NXNL2: variants seen among roughly 807,000 people sequenced by gnomAD.
NXNL2 encodes nucleoredoxin like 2.
Under a neutral mutation model 11.1 loss-of-function variants are expected in NXNL2, and 7 were observed. The observed-to-expected ratio is 0.63, with a 90% CI of 0.36 to 1.18. The LOEUF is 1.18. Among genes scored for constraint, NXNL2 ranks in the 50% most tolerant of loss-of-function variants. The pLI, the probability that NXNL2 is intolerant of heterozygous loss-of-function variation, is 0.02. For missense variants in NXNL2, 233 were observed against 217.7 expected (o/e 1.07, Z -0.44); for synonymous variants, 109 against 101.8 (o/e 1.07, Z -0.42).
chr9:88,559,684 C>T (rs772151594), intron 1 of NXNL2, among the ~76,000 whole-genome samples: 1 of 152,214 alleles, frequency 6.6e-6, no homozygotes, highest in Non-Finnish European at 1.5e-5. Context: ...CTTCATTCTA[C>T]TCGCCCAGTT....
intron 1 of NXNL2, among the ~76,000 whole-genome samples, chr9:88,557,568 T>C (rs976490056): frequency 6.6e-6 from 1 of 152,214 alleles, no homozygotes; most frequent in African/African-American, 2.4e-5. Flanking sequence ...CCCTATACCC[T>C]GTGTTCAGGT....
intron 1 of NXNL2, among the ~76,000 whole-genome samples, chr9:88,583,716 T>C (rs1427825692): frequency 1.3e-5 from 2 of 152,214 alleles, no homozygotes; most frequent in African/African-American, 4.8e-5. Context: ...TGTGATTGTG[T>C]CTGGAGACAA....
Position 88,544,876 on chromosome 9 carries a change from AAT to A in NXNL2, c.*331_*332del. On this transcript the variant is annotated 3_prime_UTR_variant, in exon 2 of 2. Transcript: ENST00000375854. ...TATTTGTACAAGTCTCTTCAGGTAA[AAT>A]AATATATTTATTGATAACATTTTCT... is the stretch of plus-strand genomic sequence containing the variant. 9.9e-7 allele frequency: 1 copy of A among 1,008,012 alleles called. No individual in the cohort carries two copies. The highest frequency in any genetic ancestry group is 1.7e-5 in the African/African-American group (1 of 58,368). The allele number at this position is 1,008,012 out of a possible 1,614,324, so 62.4% of individuals were successfully genotyped here.
intron 1 of NXNL2, chr9:88,583,872 AG>A (rs1283343207): frequency 6.6e-6 from 1 of 152,106 alleles, no homozygotes; most frequent in African/African-American, 2.4e-5. Context: ...TCTGCAAGCC[AG>A]GAAGAGAACC....
chr9:88,579,338 G>A (rs142718117), downstream of NXNL2, among the ~76,000 whole-genome samples: 1 of 152,316 alleles, frequency 6.6e-6, no homozygotes, highest in Non-Finnish European at 1.5e-5. Context: ...CTAGTTACAG[G>A]ACCCACGGGG....
chr9:88,535,372 T>A lies in NXNL2; in HGVS notation c.-63T>A. 1 of 1,450,514 alleles carries A rather than the reference T, an allele frequency of 6.9e-7. No individual in the cohort carries two copies. Among genetic ancestry groups the A allele is most frequent in the East Asian group, 2.4e-5 (1 of 42,054 alleles). 89.9% of individuals were successfully genotyped at this position (1,450,514 alleles called of 1,614,324 possible). ...GGGCACCGCGGCGCTCGCCGCCGCC[T>A]CCCCGCAGGTGATCATCCTCCTGCA... On this transcript the variant is annotated 5_prime_UTR_variant, in exon 1 of 2. Transcript: ENST00000375854.
At chr9:88,572,693 G>A (rs963366825) in intron 2 of NXNL2, among the ~76,000 whole-genome samples, 1 of 152,194 alleles carries the variant, frequency 6.6e-6, no homozygotes, top group African/African-American at 2.4e-5. Context: ...GCTGAGCCTC[G>A]CTTTAATGAC....
downstream of NXNL2, among the ~76,000 whole-genome samples, chr9:88,549,639 G>T (rs796529260): frequency 1.3e-5 from 2 of 152,138 alleles, no homozygotes; most frequent in Non-Finnish European, 2.9e-5. Context: ...ACTGTATTAG[G>T]CCATTCTTGC....
intron 2 of NXNL2, among the ~76,000 whole-genome samples, chr9:88,571,876 G>C (rs1458922486): frequency 2.6e-5 from 4 of 152,120 alleles, no homozygotes; most frequent in Non-Finnish European, 5.9e-5. Flanking sequence ...TCAGCCAGGA[G>C]AGCCAGGACC....
At chr9:88,557,891 C>T (rs965163316) in intron 1 of NXNL2, among the ~76,000 whole-genome samples, 1 of 152,180 alleles carries the variant, frequency 6.6e-6, no homozygotes, top group African/African-American at 2.4e-5. Context: ...CAGGAAATTT[C>T]CCCTGCAACA....
In NXNL2 at chr9:88,544,360, C is replaced by T; in HGVS notation, c.303-19C>T. 1.3e-6 allele frequency: 2 copies of T among 1,544,098 alleles called. No homozygotes were observed. The highest frequency in any genetic ancestry group is 1.8e-6 in the Non-Finnish European group (2 of 1,140,108). Reference sequence around the variant, plus strand: ...GCATGTGGGAGTGCTAACTTCGGTACCACTCTTCTGTCCTGCAGTGAGCTG... The same window carrying T: ...GCATGTGGGAGTGCTAACTTCGGTATCACTCTTCTGTCCTGCAGTGAGCTG... On this transcript the variant is annotated intron_variant, in intron 1 of 1. Coordinates refer to ENST00000375854, the MANE Select transcript of NXNL2 (RefSeq NM_001161625.2).
At position 88,544,369 on chromosome 9, in the gene NXNL2, T is replaced by A; in HGVS notation, c.303-10T>A. On this transcript the variant is annotated splice_polypyrimidine_tract_variant and intron_variant, in intron 1 of 1. Coordinates refer to ENST00000375854, the MANE Select transcript of NXNL2 (RefSeq NM_001161625.2). Reference sequence around the variant, plus strand: ...AGTGCTAACTTCGGTACCACTCTTCTGTCCTGCAGTGAGCTGAGGAAGAGG... The same window carrying A: ...AGTGCTAACTTCGGTACCACTCTTCAGTCCTGCAGTGAGCTGAGGAAGAGG... 6.4e-7 allele frequency: 1 copy of A among 1,550,936 alleles called. No homozygotes were observed. Among genetic ancestry groups the A allele is most frequent in the Non-Finnish European group, 8.7e-7 (1 of 1,146,280 alleles).
At chr9:88,561,683 G>A (rs1205148296) in intron 1 of NXNL2, among the ~76,000 whole-genome samples, 1 of 152,136 alleles carries the variant, frequency 6.6e-6, no homozygotes, top group Non-Finnish European at 1.5e-5. Context: ...CAAGAGGGGA[G>A]CCTTGTGTGG....
At chr9:88,578,091 T>G (rs562751201), downstream of NXNL2, among the ~76,000 whole-genome samples, 4 of 152,270 alleles carry the variant, frequency 2.6e-5, no homozygotes, top group South Asian at 8.3e-4. Context: ...TGAAAACAAG[T>G]TAAGAGTGGG....
Position 88,535,726 on chromosome 9 carries a change from C to A in NXNL2, c.292C>A (p.Pro98Thr). 10 of 1,577,088 alleles carry A rather than the reference C, an allele frequency of 6.3e-6. No homozygotes were observed. Among genetic ancestry groups the A allele is most frequent in the Non-Finnish European group, 8.6e-6 (10 of 1,168,032 alleles). ...CTGGCTGGCGCTGCCCTTCCACGAC[C>A]CCTACCGGCAGTGAGTGGGGGTCCT... is the stretch of plus-strand genomic sequence containing the variant. ...GAWLALPFHD[P>T]YRHELRKRYN... The change falls in exon 1 of 2, where the codon CCC (proline) becomes ACC (threonine). Residue 98 changes from proline to threonine, a missense_variant. Coordinates refer to ENST00000375854, the MANE Select transcript of NXNL2 (RefSeq NM_001161625.2).
At chr9:88,580,375 G>A (rs959435977), downstream of NXNL2, among the ~76,000 whole-genome samples, 20 of 151,916 alleles carry the variant, frequency 1.3e-4, no homozygotes, top group Admixed American at 2.0e-4. Flanking sequence ...GGCTGGTGTC[G>A]AACTCCTGAC....
At chr9:88,582,459 A>T (rs952769980) in intron 1 of NXNL2, among the ~76,000 whole-genome samples, 4 of 152,076 alleles carry the variant, frequency 2.6e-5, no homozygotes, top group African/African-American at 9.7e-5. Flanking sequence ...ACAGAGAGAG[A>T]CTTCATCTCA....
intron 1 of NXNL2, among the ~76,000 whole-genome samples, chr9:88,536,223 T>C (rs1829615986): frequency 6.6e-6 from 1 of 151,992 alleles, no homozygotes; most frequent in South Asian, 2.1e-4. Context: ...ATCAGCTCTG[T>C]GACAGGCACC....
chr9:88,565,293 C>T (rs904147850), intron 1 of NXNL2, among the ~76,000 whole-genome samples: 2 of 152,150 alleles, frequency 1.3e-5, no homozygotes, highest in African/African-American at 4.8e-5. Flanking sequence ...TCCATCTTGG[C>T]TATTGTGAAT....
Sources: allele counts gnomAD v4.1 joint callset (sites outside exome capture counted in the v4.1 genomes callset), GRCh38; gene constraint gnomAD v4.1.1; transcripts MANE v1.5; gene names NCBI Gene and HGNC (gene_info 2026-07-23, HGNC 2026-07-21).